SYT16: variants seen among roughly 807,000 people sequenced by gnomAD.
SYT16 encodes synaptotagmin 16, also known as synaptotagmin-16.
SYT16 carries 42 observed loss-of-function variants against 61.4 expected under a neutral mutation model. That is an observed-to-expected ratio of 0.68 (90% CI 0.53 to 0.89). The LOEUF is 0.89. SYT16 is among the 40% of genes least tolerant of loss of function. The pLI, the probability that SYT16 is intolerant of heterozygous loss-of-function variation, is 0.00. For missense variants in SYT16, 804 were observed against 807.3 expected (o/e 1.00, Z 0.05); for synonymous variants, 314 against 302.3 (o/e 1.04, Z -0.40).
rs1332787927 is a variant in SYT16, at chr14:62,104,023, T to C, written c.*3316T>C. On this transcript the variant is annotated 3_prime_UTR_variant, in exon 8 of 8. Transcript: ENST00000683842. ...TTATTGTTACCTCTTGTGCAGTTAC[T>C]GTGCTTTAGATGACCTTATCTGAGA... is the stretch of plus-strand genomic sequence containing the variant. 1 of 152,174 alleles carries C rather than the reference T, an allele frequency of 6.6e-6. No homozygotes were observed. The highest frequency in any genetic ancestry group is 1.5e-5 in the Non-Finnish European group (1 of 68,048). The allele number at this position is 152,174 out of a possible 1,614,324, so 9.4% of individuals were successfully genotyped here.
chr14:61,894,103 GTAAAACCCCATCTC>G (rs2048236280), intron 1 of SYT16, among the ~76,000 whole-genome samples: 1 of 152,038 alleles, frequency 6.6e-6, no homozygotes, highest in Non-Finnish European at 1.5e-5. Context: ...GACCAACATG[GTAAAACCCCATCTC>G]TACTAAAAAT....
At chr14:61,866,459 C>T (rs937694672) in intron 1 of SYT16, among the ~76,000 whole-genome samples, 5 of 151,968 alleles carry the variant, frequency 3.3e-5, no homozygotes, top group Non-Finnish European at 7.4e-5. Context: ...TTATTTTTGT[C>T]ATTCTCATGG....
At chr14:61,880,054 C>G (rs2047642839) in intron 1 of SYT16, among the ~76,000 whole-genome samples, 1 of 152,218 alleles carries the variant, frequency 6.6e-6, no homozygotes, top group African/African-American at 2.4e-5. Flanking sequence ...TATTTGCACT[C>G]CATTTCCCAC....
chr14:61,905,651 A>G (rs559633700), intron 1 of SYT16, among the ~76,000 whole-genome samples: 26 of 152,100 alleles, frequency 1.7e-4, no homozygotes, highest in Non-Finnish European at 2.4e-4. Flanking sequence ...GTCTCTTTGG[A>G]AGTCAAGGGT....
At position 62,104,022 on chromosome 14, in the gene SYT16, CTG is replaced by C. The variant is rs1373055220; in HGVS notation, c.*3318_*3319del. The C allele has an allele frequency of 2.9e-4, 44 of 152,314 alleles. 1 individual carries two copies. The highest frequency in any genetic ancestry group is 1.0e-3 in the African/African-American group (43 of 41,574). The allele number at this position is 152,314 out of a possible 1,614,324, so 9.4% of individuals were successfully genotyped here. On this transcript the variant is annotated 3_prime_UTR_variant, in exon 8 of 8. Transcript: ENST00000683842. ...ATTATTGTTACCTCTTGTGCAGTTA[CTG>C]TGCTTTAGATGACCTTATCTGAGAA...
chr14:61,819,549 CACA>C (rs1416993158), intron 1 of SYT16, among the ~76,000 whole-genome samples: 1 of 152,082 alleles, frequency 6.6e-6, no homozygotes, highest in Non-Finnish European at 1.5e-5. Flanking sequence ...TATAATAAGT[CACA>C]TTCTATAATT....
chr14:61,887,734 C>G (rs571371995), intron 1 of SYT16, among the ~76,000 whole-genome samples: 2 of 152,318 alleles, frequency 1.3e-5, no homozygotes, highest in African/African-American at 2.4e-5. Flanking sequence ...TTCTGCACCT[C>G]TCAGCCTTCA....
chr14:62,094,377 C>T (rs566712143), intron 7 of SYT16, among the ~76,000 whole-genome samples: 3 of 152,066 alleles, frequency 2.0e-5, no homozygotes, highest in Non-Finnish European at 4.4e-5. Flanking sequence ...CTTTTCCCCT[C>T]TTCCCCCTAA....
chr14:61,934,397 A>G (rs1246184988), intron 1 of SYT16, among the ~76,000 whole-genome samples: 1 of 152,226 alleles, frequency 6.6e-6, no homozygotes, highest in Non-Finnish European at 1.5e-5. Context: ...AGCCTGAGAA[A>G]ACCTCTGTAT....
intron 1 of SYT16, among the ~76,000 whole-genome samples, chr14:61,892,968 C>T (rs2048191970): frequency 1.3e-5 from 2 of 152,228 alleles, no homozygotes; most frequent in South Asian, 4.2e-4. Flanking sequence ...ACAAGCCTTC[C>T]TCAGTGTGGT....
intron 3 of SYT16, among the ~76,000 whole-genome samples, chr14:62,047,373 G>C (rs2055040183): frequency 6.6e-6 from 1 of 152,022 alleles, no homozygotes. Flanking sequence ...GGAGATTTTG[G>C]GCTGAGACAA....
At chr14:62,035,850 T>A (rs759967758) in intron 3 of SYT16, among the ~76,000 whole-genome samples, 40 of 152,190 alleles carry the variant, frequency 2.6e-4, no homozygotes, top group Non-Finnish European at 4.7e-4. Context: ...TAGATGCTTT[T>A]CCATGTTAGA....
chr14:61,995,834 T>G (rs2052744123), intron 2 of SYT16, 42 bp from the exon 3 acceptor site: 2 of 574,088 alleles, frequency 3.5e-6, no homozygotes, highest in Non-Finnish European at 5.8e-6. Flanking sequence ...GGTCTGAGGT[T>G]GTAACTTTAA....
chr14:62,009,029 C>T (rs940102097), intron 3 of SYT16, among the ~76,000 whole-genome samples: 3 of 152,078 alleles, frequency 2.0e-5, no homozygotes, highest in South Asian at 4.2e-4. Context: ...CTTTCCTGGT[C>T]GAGGTCCCTT....
At chr14:61,828,240 C>G (rs145908946) in intron 1 of SYT16, among the ~76,000 whole-genome samples, 1 of 152,184 alleles carries the variant, frequency 6.6e-6, no homozygotes, top group Non-Finnish European at 1.5e-5. Flanking sequence ...GTTTGTGGTA[C>G]TTTGTTATGG....
At chr14:62,078,172 A>ATAAACACACACAC (rs2056576554) in intron 5 of SYT16, among the ~76,000 whole-genome samples, 5 of 128,786 alleles carry the variant, frequency 3.9e-5, no homozygotes, top group Non-Finnish European at 6.5e-5. Flanking sequence ...TATATATATA[A>ATAAACACACACAC]ACACACACAC....
In SYT16 at chr14:62,017,633, C is replaced by G. The variant is rs939212506; in HGVS notation, c.523+21091C>G. ...AATCCATCAGCAACTCTGGTTGGCT[C>G]TACCATTACAATATATCTAAACTCA... On this transcript the variant is annotated intron_variant, in intron 3 of 7. Transcript: ENST00000683842. Among the ~76,000 whole-genome samples the G allele has an allele frequency of 1.1e-4, 17 of 152,242 alleles. No homozygotes were observed. The South Asian group carries it at 3.5e-3, about 32-fold the overall frequency.
chr14:61,884,562 C>T (rs2047825487), intron 1 of SYT16, among the ~76,000 whole-genome samples: 1 of 152,160 alleles, frequency 6.6e-6, no homozygotes, highest in African/African-American at 2.4e-5. Flanking sequence ...TGCAAGAAAG[C>T]CTGACCAGTT....
chr14:62,020,754 T>C (rs2053878658), intron 3 of SYT16, among the ~76,000 whole-genome samples: 2 of 152,298 alleles, frequency 1.3e-5, no homozygotes, highest in East Asian at 3.9e-4. Flanking sequence ...TGGAGATTTC[T>C]AAGCGAGCAT....
Sources: gnomAD v4.1 joint callset for allele counts (sites outside exome capture counted in the v4.1 genomes callset) on GRCh38, gnomAD v4.1.1 for gene constraint, MANE v1.5 for transcripts, NCBI Gene and HGNC (gene_info 2026-07-23, HGNC 2026-07-21) for gene names.